Variants in ASL observed in about 807,000 individuals in gnomAD.
ASL encodes argininosuccinate lyase, also known as argininosuccinase.
A neutral mutation model predicts 69.1 loss-of-function variants in ASL; 51 were observed. The ratio of observed to expected loss-of-function variants is 0.74; its 90% CI spans 0.59 to 0.93. The LOEUF (loss-of-function observed/expected upper bound fraction) is 0.93, where lower values mean the gene tolerates loss of function less well. ASL is among the 40% of genes least tolerant of loss of function. The pLI is 0.00. For synonymous variants in ASL, 241 were observed against 247.6 expected (o/e 0.97, Z 0.25); for missense variants, 540 against 623.9 (o/e 0.87, Z 1.43).
At chr7:66,083,685 A>T (rs1192839184) in intron 6 of ASL, among the ~76,000 whole-genome samples, 1 of 150,884 alleles carries the variant, frequency 6.6e-6, no homozygotes, top group African/African-American at 2.4e-5. Flanking sequence ...CTCCTGTCTC[A>T]AAAAAAAAGA....
intron 15 of ASL, 68 bp from the exon 16 acceptor site, chr7:66,092,489 C>A: frequency 1.5e-6 from 2 of 1,375,064 alleles, no homozygotes; most frequent in Non-Finnish European, 2.0e-6. Context: ...GAAGGGGGTG[C>A]AGGCAATGGA....
chr7:66,089,840 G>C, intron 14 of ASL, 145 bp downstream of exon 14: 2 of 900,128 alleles, frequency 2.2e-6, no homozygotes, highest in Non-Finnish European at 3.5e-6. Flanking sequence ...TGCTCCTGGG[G>C]AACAGGGAAA....
chr7:66,082,088 C>A, intron 3 of ASL, 91 bp downstream of exon 3: 1 of 1,470,440 alleles, frequency 6.8e-7, no homozygotes, highest in South Asian at 1.2e-5. Context: ...CAGTGTTGCC[C>A]ATCTGTGGTT....
chr7:66,078,190 T>C (rs1786401451), intron 2 of ASL, among the ~76,000 whole-genome samples: 1 of 152,188 alleles, frequency 6.6e-6, no homozygotes, highest in Non-Finnish European at 1.5e-5. Flanking sequence ...GCCAGGCTCC[T>C]GGCTGAGGGG....
At position 66,089,674 on chromosome 7, in the gene ASL, T is replaced by C; in HGVS notation, c.1041T>C (p.Thr347=). ...TGAGTGCCGTGCTCCAGGTGGCCAC[T>C]GGCGTCATCTCTACGCTGCAGGCAA... ...DTMSAVLQVA[T]GVISTLQIHQ... Residue 347 remains threonine, a synonymous_variant, in exon 14 of 17, where the codon ACT becomes ACC. Coordinates refer to ENST00000304874, the MANE Select transcript of ASL (RefSeq NM_000048.4). The C allele has an allele frequency of 6.2e-7, 1 of 1,613,844 alleles. No individual in the cohort carries two copies. Among genetic ancestry groups the C allele is most frequent in the Non-Finnish European group, 8.5e-7 (1 of 1,180,004 alleles).
At chr7:66,083,222 G>A in intron 6 of ASL, 48 bp downstream of exon 6, 4 of 1,595,740 alleles carry the variant, frequency 2.5e-6, no homozygotes, top group Non-Finnish European at 3.4e-6. Context: ...TGTGATGGAA[G>A]CCTGAACAGG....
intron 2 of ASL, among the ~76,000 whole-genome samples, chr7:66,079,074 G>A (rs1303756948): frequency 6.6e-6 from 1 of 151,944 alleles, no homozygotes; most frequent in African/African-American, 2.4e-5. Flanking sequence ...CCCCATGCCT[G>A]GCTAATTTTT....
intron 6 of ASL, 40 bp downstream of exon 6, chr7:66,083,214 T>C (rs1562738397): frequency 6.2e-7 from 1 of 1,603,484 alleles, no homozygotes; most frequent in Non-Finnish European, 8.5e-7. Context: ...GACAGAGGTG[T>C]GATGGAAGCC....
In ASL at chr7:66,092,844, A is replaced by T. The variant is rs777811469; in HGVS notation, c.1327A>T (p.Thr443Ser). 2 of 1,613,400 alleles carry T rather than the reference A, an allele frequency of 1.2e-6. No individual in the cohort carries two copies. The highest frequency in any genetic ancestry group is 2.2e-5 in the South Asian group (2 of 91,082). The change falls in exon 17 of 17, where the codon ACT (threonine) becomes TCT (serine). Residue 443 changes from threonine to serine, a missense_variant. Thr to Ser is a moderately conservative substitution (Grantham distance 58, BLOSUM62 1). Coordinates refer to ENST00000304874, the MANE Select transcript of ASL (RefSeq NM_000048.4). ...GGAGCAGTATGGTGCCCTGGGCGGC[A>T]CTGCGCGCTCCAGCGTCGACTGGCA... ...SVEQYGALGG[T>S]ARSSVDWQIR...
intron 6 of ASL, chr7:66,083,389 C>T: frequency 1.9e-6 from 1 of 524,470 alleles, no homozygotes; most frequent in Non-Finnish European, 3.4e-6. Context: ...GCAGAGAAGA[C>T]TAACCCTTCG....
intron 2 of ASL, among the ~76,000 whole-genome samples, chr7:66,078,420 C>G (rs1289757425): frequency 6.6e-6 from 1 of 152,052 alleles, no homozygotes; most frequent in Non-Finnish European, 1.5e-5. Flanking sequence ...AGGGCCAGAG[C>G]ACTGGAGAGG....
At position 66,081,973 on chromosome 7, in the gene ASL, C is replaced by G; in HGVS notation, c.183C>G (p.Asp61Glu). 6.2e-7 allele frequency: 1 copy of G among 1,611,460 alleles called. No individual in the cohort carries two copies. Among genetic ancestry groups the G allele is most frequent in the Non-Finnish European group, 8.5e-7 (1 of 1,179,032 alleles). The change falls in exon 3 of 17, where the codon GAC becomes GAG. Residue 61 changes from aspartate to glutamate, a missense_variant. Physicochemically the swap from Asp to Glu is conservative, Grantham distance 45. Coordinates refer to ENST00000304874, the MANE Select transcript of ASL (RefSeq NM_000048.4). ...GGCTCCTCACCAAGGCCGAGATGGA[C>G]CAGATACTCCATGGCCTAGACAAGG... ...KAGLLTKAEM[D>E]QILHGLDKVA... is the part of the protein sequence containing the mutation.
At chr7:66,084,405 G>A (rs902831873) in intron 6 of ASL, among the ~76,000 whole-genome samples, 1 of 151,928 alleles carries the variant, frequency 6.6e-6, no homozygotes, top group African/African-American at 2.4e-5. Context: ...CAGGTGATCT[G>A]CCCGCGTCGG....
At chr7:66,078,594 G>A (rs1786413632) in intron 2 of ASL, among the ~76,000 whole-genome samples, 1 of 151,944 alleles carries the variant, frequency 6.6e-6, no homozygotes, top group Non-Finnish European at 1.5e-5. Context: ...CTCACAATAA[G>A]GCTATCAGAG....
At chr7:66,078,079 T>G (rs1017925619) in intron 2 of ASL, among the ~76,000 whole-genome samples, 1 of 152,234 alleles carries the variant, frequency 6.6e-6, no homozygotes, top group Admixed American at 6.5e-5. Flanking sequence ...TTCCTGTAGG[T>G]TGGCACTAAT....
At position 66,082,994 on chromosome 7, in the gene ASL, G is replaced by A. The variant is rs774174603; in HGVS notation, c.348+58G>A. The A allele has an allele frequency of 3.1e-6, 5 of 1,611,228 alleles. No homozygotes were observed. In the African/African-American group the frequency reaches 4.0e-5, roughly 13 times the overall value. ...TGTCCCAACCTTGAGGAGCCCAGGG[G>A]GCAGTTAGAGTTCTGCAGCGGTCCT... On this transcript the variant is annotated intron_variant, in intron 5 of 16. Transcript: ENST00000304874.
intron 2 of ASL, 36 bp from the exon 3 acceptor site, chr7:66,081,767 G>A: frequency 6.2e-7 from 1 of 1,604,028 alleles, no homozygotes; most frequent in Non-Finnish European, 8.5e-7. Flanking sequence ...TCTGGAGGGT[G>A]GAGGAGAGAC....
intron 14 of ASL, among the ~76,000 whole-genome samples, chr7:66,090,420 T>C (rs957726451): frequency 1.3e-5 from 2 of 151,962 alleles, no homozygotes; most frequent in Non-Finnish European, 2.9e-5. Context: ...ACTACAAACA[T>C]GCGCCACCAC....
chr7:66,091,884 C>G, intron 14 of ASL, 122 bp from the exon 15 acceptor site: 3 of 934,116 alleles, frequency 3.2e-6, no homozygotes, highest in Non-Finnish European at 3.5e-6. Context: ...GAGACAGAGC[C>G]GAGTGGGTAA....
Sources: allele counts gnomAD v4.1 joint callset (sites outside exome capture counted in the v4.1 genomes callset), GRCh38; gene constraint gnomAD v4.1.1; transcripts MANE v1.5; gene names NCBI Gene and HGNC (gene_info 2026-07-23, HGNC 2026-07-21).